Variants in CFAP57 observed in about 807,000 individuals in gnomAD.
The protein encoded by CFAP57 is cilia and flagella associated protein 57.
In CFAP57, 116 loss-of-function variants were observed where a neutral mutation model predicts 146.8. That is an observed-to-expected ratio of 0.79 (90% CI 0.68 to 0.92). The LOEUF (loss-of-function observed/expected upper bound fraction) is 0.92. CFAP57 is among the 40% of genes least tolerant of loss of function. CFAP57 has a pLI of 0.00. For missense variants in CFAP57, 1,377 were observed against 1,527.2 expected (o/e 0.90, Z 1.64); for synonymous variants, 518 against 552.8 (o/e 0.94, Z 0.88).
intron 9 of CFAP57, among the ~76,000 whole-genome samples, chr1:43,205,831 A>G (rs1644335599): frequency 6.6e-6 from 1 of 151,230 alleles, no homozygotes; most frequent in South Asian, 2.2e-4. Context: ...ACATCTGCCC[A>G]GAGTGCACAG....
In CFAP57 at chr1:43,186,974, C is replaced by T. The variant is rs187362069; in HGVS notation, c.1122+115C>T. The T allele has an allele frequency of 3.1e-6, 4 of 1,270,424 alleles. No individual in the cohort carries two copies. In the Admixed American group the frequency reaches 7.9e-5, roughly 25 times the overall value. The allele number at this position is 1,270,424 out of a possible 1,614,324, so 78.7% of individuals were successfully genotyped here. ...AAGTTAGCATAAACTCATGCATCCCCTTAATACAGAGCAAAACAAAATTCT... is the reference window on the plus strand; with the variant it reads ...AAGTTAGCATAAACTCATGCATCCCTTTAATACAGAGCAAAACAAAATTCT... On this transcript the variant is annotated intron_variant, in intron 6 of 22. Coordinates refer to ENST00000372492, the MANE Select transcript of CFAP57 (RefSeq NM_001378189.1).
intron 6 of CFAP57, among the ~76,000 whole-genome samples, chr1:43,191,195 G>T (rs927644488): frequency 1.3e-5 from 2 of 152,072 alleles, no homozygotes; most frequent in Non-Finnish European, 2.9e-5. Context: ...CAGTTTTTGT[G>T]TCATTCTAGG....
chr1:43,225,686 A>G (rs1314882297), intron 17 of CFAP57, among the ~76,000 whole-genome samples: 3 of 152,184 alleles, frequency 2.0e-5, no homozygotes, highest in Non-Finnish European at 4.4e-5. Flanking sequence ...TACAACATTT[A>G]TCACATTTTA....
At chr1:43,236,619 G>GAAAAAAAAAAAAA (rs1645707903) in intron 21 of CFAP57, among the ~76,000 whole-genome samples, 1 of 84,376 alleles carries the variant, frequency 1.2e-5, no homozygotes. Flanking sequence ...AAAAAAAAAG[G>GAAAAAAAAAAAAA]CAATTTCCAG....
Position 43,172,619 on chromosome 1 carries a change from A to G in CFAP57, c.-19-116A>G, listed in dbSNP as rs1782385. ...GGGAAAGGGGAGGGACAAGGGGAGGAGAAAGGGGAGAGACAAGGGGAGGAG... is the reference window on the plus strand; with the variant it reads ...GGGAAAGGGGAGGGACAAGGGGAGGGGAAAGGGGAGAGACAAGGGGAGGAG... On this transcript the variant is annotated intron_variant, in intron 1 of 22. Transcript: ENST00000372492. The G allele has an allele frequency of 6.3e-4, 450 of 719,402 alleles. 1 individual carries two copies. The highest frequency in any genetic ancestry group is 8.0e-4 in the Non-Finnish European group (373 of 464,956). The allele number at this position is 719,402 out of a possible 1,614,324, so 44.6% of individuals were successfully genotyped here.
chr1:43,183,941 A>G (rs1645528127), intron 4 of CFAP57, 64 bp downstream of exon 4: 3 of 1,602,358 alleles, frequency 1.9e-6, no homozygotes, highest in Non-Finnish European at 2.6e-6. Flanking sequence ...TGCAGAAGAC[A>G]GCACTCTTTA....
At chr1:43,184,833 C>G (rs1015366040) in intron 4 of CFAP57, 2 of 324,656 alleles carry the variant, frequency 6.2e-6, no homozygotes, top group East Asian at 7.4e-5. Context: ...GTTCACAGTC[C>G]TTCAGCTCTG....
At chr1:43,195,242 G>C (rs1451919121) in intron 6 of CFAP57, among the ~76,000 whole-genome samples, 1 of 152,184 alleles carries the variant, frequency 6.6e-6, no homozygotes, top group African/African-American at 2.4e-5. Context: ...AACATGGACA[G>C]GCCAGGTGTG....
At chr1:43,195,985 T>G (rs1452089732) in intron 6 of CFAP57, among the ~76,000 whole-genome samples, 2 of 152,132 alleles carry the variant, frequency 1.3e-5, no homozygotes, top group African/African-American at 4.8e-5. Flanking sequence ...AGCAAGGAAA[T>G]ATGAGATAAT....
At chr1:43,243,992 G>A (rs1454783388) in intron 22 of CFAP57, among the ~76,000 whole-genome samples, 1 of 152,170 alleles carries the variant, frequency 6.6e-6, no homozygotes, top group Non-Finnish European at 1.5e-5. Flanking sequence ...GCAAAAGGGA[G>A]CTTTTTTTCT....
intron 11 of CFAP57, among the ~76,000 whole-genome samples, chr1:43,212,043 T>G (rs1357097042): frequency 6.6e-6 from 1 of 152,228 alleles, no homozygotes; most frequent in East Asian, 1.9e-4. Flanking sequence ...CTTGAAATAC[T>G]TATAGGTTTA....
At chr1:43,192,153 G>A (rs1557748520) in intron 6 of CFAP57, among the ~76,000 whole-genome samples, 1 of 151,976 alleles carries the variant, frequency 6.6e-6, no homozygotes, top group Non-Finnish European at 1.5e-5. Flanking sequence ...TTTTTGGCCT[G>A]GCATATAATC....
At chr1:43,181,959 T>G (rs930430539) in intron 3 of CFAP57, 109 bp downstream of exon 3, 2 of 1,278,248 alleles carry the variant, frequency 1.6e-6, no homozygotes, top group Non-Finnish European at 2.2e-6. Flanking sequence ...ATTTTAAAAT[T>G]TATTCTTACA....
rs4660246 is a variant in CFAP57, at chr1:43,201,944, C to T, written c.1542+2441C>T. Among the ~76,000 whole-genome samples, 102,324 of 152,010 alleles carry T rather than the reference C, an allele frequency of 0.67. 37,515 individuals are homozygous for T. The highest frequency in any genetic ancestry group is 0.83 in the Non-Finnish European group (56,484 of 67,982). On this transcript the variant is annotated intron_variant, in intron 9 of 22. Coordinates refer to ENST00000372492, the MANE Select transcript of CFAP57 (RefSeq NM_001378189.1). The surrounding 1 kb of genome is among the most constrained non-coding windows in gnomAD (Gnocchi z 4.4). ...GACATTATTAATGAGAGCTGCTGAGCCTCCTCAGCTTCAGCAATATAATTA... is the reference window on the plus strand; with the variant it reads ...GACATTATTAATGAGAGCTGCTGAGTCTCCTCAGCTTCAGCAATATAATTA...
intron 12 of CFAP57, among the ~76,000 whole-genome samples, chr1:43,216,076 C>T (rs1177374964): frequency 6.6e-6 from 1 of 152,164 alleles, no homozygotes; most frequent in Non-Finnish European, 1.5e-5. Context: ...AAGGGAGAAG[C>T]TGAATGGATG....
intron 21 of CFAP57, among the ~76,000 whole-genome samples, chr1:43,235,315 A>G (rs1320311783): frequency 6.6e-6 from 1 of 152,220 alleles, no homozygotes; most frequent in East Asian, 1.9e-4. Flanking sequence ...CAGGACTGCC[A>G]GTCGGGATTC....
rs758290507 is a variant in CFAP57, at chr1:43,199,402, A to G, written c.1441A>G (p.Asn481Asp). 3 of 1,614,000 alleles carry G rather than the reference A, an allele frequency of 1.9e-6. No individual in the cohort carries two copies. The African/African-American group carries it at 4.0e-5, about 22-fold the overall frequency. ...TCTTTCCCTATAGTGTTCCTTTAGC[A>G]ATGGAGGTCACCTGTTTGCTGCAGT... Reference protein sequence around the residue: ...VRGCGECSFSNGGHLFAAVNG... With the variant: ...VRGCGECSFSDGGHLFAAVNG... Residue 481 changes from asparagine (N) to aspartate (D), a missense_variant, in exon 9 of 23, where the codon AAT becomes GAT. Physicochemically the swap from Asn to Asp is conservative, Grantham distance 23. Transcript: ENST00000372492.
At chr1:43,232,706 A>G in intron 19 of CFAP57, 82 bp downstream of exon 19, 1 of 959,212 alleles carries the variant, frequency 1.0e-6, no homozygotes, top group Non-Finnish European at 1.5e-6. Context: ...TCCAAGAGGC[A>G]GAGCCAGCCC....
intron 13 of CFAP57, among the ~76,000 whole-genome samples, chr1:43,220,785 G>T (rs1478267543): frequency 7.9e-6 from 1 of 126,356 alleles, no homozygotes; most frequent in African/African-American, 2.9e-5. Context: ...TAATGTCTAT[G>T]GGTCATAAAG....
Sources: allele counts gnomAD v4.1 joint callset (sites outside exome capture counted in the v4.1 genomes callset), GRCh38; gene constraint gnomAD v4.1.1; non-coding constraint Gnocchi (gnomAD v3.1); transcripts MANE v1.5; gene names NCBI Gene and HGNC (gene_info 2026-07-23, HGNC 2026-07-21).